Variants in NUP133 observed in about 807,000 individuals in gnomAD.
NUP133 encodes nucleoporin 133.
NUP133 carries 66 observed loss-of-function variants against 146.2 expected under a neutral mutation model. The observed-to-expected ratio is 0.45, with a 90% CI of 0.37 to 0.55. The LOEUF (loss-of-function observed/expected upper bound fraction) is 0.55. Ranked by LOEUF, NUP133 falls within the 20% of genes least tolerant of loss-of-function variation. The pLI, the probability that NUP133 is intolerant of heterozygous loss-of-function variation, is 0.00. For synonymous variants in NUP133, 521 were observed against 498.8 expected (o/e 1.04, Z -0.59); for missense variants, 1,277 against 1,374.8 (o/e 0.93, Z 1.12).
chr1:229,479,355 C>T (rs1229769623), intron 12 of NUP133, among the ~76,000 whole-genome samples: 1 of 152,190 alleles, frequency 6.6e-6, no homozygotes, highest in Non-Finnish European at 1.5e-5. Context: ...CAGTTCAAAG[C>T]CGTGTTGTTC....
intron 2 of NUP133, among the ~76,000 whole-genome samples, chr1:229,502,399 A>T (rs1371225970): frequency 1.3e-5 from 2 of 151,722 alleles, no homozygotes; most frequent in African/African-American, 4.8e-5. Flanking sequence ...CTCTACTAAA[A>T]CTACAAAAAA....
At chr1:229,457,190 A>G (rs573206385) in intron 21 of NUP133, among the ~76,000 whole-genome samples, 1 of 152,132 alleles carries the variant, frequency 6.6e-6, no homozygotes, top group Non-Finnish European at 1.5e-5. Flanking sequence ...GTGATGCTTC[A>G]ATACATGTAT....
chr1:229,474,294 G>A (rs1661024216), intron 14 of NUP133, among the ~76,000 whole-genome samples: 2 of 152,204 alleles, frequency 1.3e-5, no homozygotes, highest in Non-Finnish European at 2.9e-5. Context: ...TTAAGCCACT[G>A]TGTTTTGGGG....
Position 229,442,016 on chromosome 1 carries a change from G to T in NUP133, c.3359C>A (p.Pro1120Gln). Residue 1120 changes from proline (P) to glutamine (Q), a missense_variant, in exon 26 of 26, where the codon CCG becomes CAG. Coordinates refer to ENST00000261396, the MANE Select transcript of NUP133 (RefSeq NM_018230.3). ...KDGIQLSEYL[P>Q]EVKDLLQADQ... ...CGCTTGTAGCAGGTCTTTCACCTCC[G>T]GTAAGTACTCACTGAGCTGAATGCC... The T allele has an allele frequency of 6.4e-6, 10 of 1,574,756 alleles. No homozygotes were observed. The highest frequency in any genetic ancestry group is 8.6e-6 in the Non-Finnish European group (10 of 1,167,946).
intron 13 of NUP133, among the ~76,000 whole-genome samples, chr1:229,476,520 A>G (rs111559603): frequency 2.0e-5 from 3 of 152,302 alleles, no homozygotes; most frequent in African/African-American, 7.2e-5. Context: ...AGGCAGCTAG[A>G]CATGTCTTGT....
intron 20 of NUP133, among the ~76,000 whole-genome samples, chr1:229,460,351 ACAC>A (rs1660665452): frequency 6.6e-6 from 1 of 152,050 alleles, no homozygotes; most frequent in Admixed American, 6.6e-5. Context: ...GTGTGTCACC[ACAC>A]CTGGCTAATG....
At chr1:229,494,891 G>A (rs1198736503) in intron 8 of NUP133, among the ~76,000 whole-genome samples, 1 of 152,196 alleles carries the variant, frequency 6.6e-6, no homozygotes, top group Non-Finnish European at 1.5e-5. Context: ...CAATGACAGG[G>A]TCTCAGGCAT....
intron 23 of NUP133, among the ~76,000 whole-genome samples, chr1:229,450,309 G>A (rs1159608222): frequency 6.6e-6 from 1 of 152,206 alleles, no homozygotes; most frequent in African/African-American, 2.4e-5. Context: ...CACAAAAAAA[G>A]ATACCCAGGA....
intron 2 of NUP133, among the ~76,000 whole-genome samples, chr1:229,503,235 G>A (rs1040229729): frequency 2.0e-5 from 3 of 151,730 alleles, no homozygotes; most frequent in Non-Finnish European, 2.9e-5. Flanking sequence ...CTGAGATCGC[G>A]CCACTGCACT....
At chr1:229,469,318 C>T (rs1229276460) in intron 15 of NUP133, among the ~76,000 whole-genome samples, 3 of 152,208 alleles carry the variant, frequency 2.0e-5, no homozygotes, top group South Asian at 2.1e-4. Context: ...CACAAAAGCA[C>T]GAGGACTGCG....
chr1:229,508,190 C>T lies in NUP133; in HGVS notation c.60G>A (p.Leu20=), dbSNP rs762438302. 3.9e-5 allele frequency: 62 copies of T among 1,579,006 alleles called. No individual in the cohort carries two copies. Among genetic ancestry groups the T allele is most frequent in the Admixed American group, 5.5e-5 (3 of 54,556 alleles). ...TPGTGSRRGP[L]AGLGPGSTPR... is the part of the protein sequence containing the mutation. ...GCGTGGAGCCGGGCCCGAGTCCGGC[C>T]AGCGGGCCCCTTCGGGACCCGGTAC... The change falls in exon 1 of 26, where the codon CTG becomes CTA. Residue 20 remains leucine, a synonymous_variant. Coordinates refer to ENST00000261396, the MANE Select transcript of NUP133 (RefSeq NM_018230.3).
intron 2 of NUP133, among the ~76,000 whole-genome samples, chr1:229,505,565 A>AG (rs1491515637): frequency 3.6e-4 from 25 of 69,504 alleles, no homozygotes; most frequent in Non-Finnish European, 5.8e-4. Flanking sequence ...AATTACAGTT[A>AG]AAAAAAAAAA....
chr1:229,472,707 C>CATACATACATAT (rs58951309), intron 14 of NUP133, among the ~76,000 whole-genome samples: 3,166 of 124,292 alleles, frequency 0.025, 213 homozygotes, highest in Admixed American at 0.084. Context: ...ACTAAATATA[C>CATACATACATAT]ATATATATAT....
At position 229,441,592 on chromosome 1, in the gene NUP133, G is replaced by C. The variant is rs1210766353; in HGVS notation, c.*312C>G. On this transcript the variant is annotated 3_prime_UTR_variant, in exon 26 of 26. Transcript: ENST00000261396. The stretch of plus-strand genomic sequence containing the variant: ...TAGTCGCAGAAACTGAGGCCTAGAA[G>C]TGATTTGTACATGTGAGCAGCTAGA... 9.5e-6 allele frequency: 4 copies of C among 420,278 alleles called. No homozygotes were observed. The highest frequency in any genetic ancestry group is 1.4e-5 in the Non-Finnish European group (3 of 211,462). 26.0% of individuals were successfully genotyped at this position (420,278 alleles called of 1,614,324 possible).
At chr1:229,498,569 G>A (rs1314472857) in intron 5 of NUP133, among the ~76,000 whole-genome samples, 1 of 152,064 alleles carries the variant, frequency 6.6e-6, no homozygotes, top group East Asian at 1.9e-4. Flanking sequence ...GGGAGCCCAA[G>A]GCGGGGTGAA....
chr1:229,447,199 A>G (rs112468663), intron 24 of NUP133, among the ~76,000 whole-genome samples: 36 of 152,318 alleles, frequency 2.4e-4, no homozygotes, highest in Non-Finnish European at 4.6e-4. Context: ...AAAAGTAGTG[A>G]TTTATTATAT....
At position 229,507,877 on chromosome 1, in the gene NUP133, AATCAACTG is replaced by A. The variant is rs149121947; in HGVS notation, c.182+183_182+190del. The A allele has an allele frequency of 2.1e-3, 2,081 of 980,000 alleles. 31 individuals are homozygous for A. The African/African-American group carries it at 0.025, about 12-fold the overall frequency. The allele number at this position is 980,000 out of a possible 1,614,324, so 60.7% of individuals were successfully genotyped here. A position where few individuals can be genotyped will look rare whatever the true frequency, so the allele number is the denominator to read the frequency against. ...TATCCATGAAAAATGCAAAGTGGGG[AATCAACTG>A]ATCAACTGATAATCAAAACGAAGCA... On this transcript the variant is annotated intron_variant, in intron 1 of 25. Coordinates refer to ENST00000261396, the MANE Select transcript of NUP133 (RefSeq NM_018230.3).
At chr1:229,463,065 G>A (rs1026632113) in intron 19 of NUP133, among the ~76,000 whole-genome samples, 1 of 152,074 alleles carries the variant, frequency 6.6e-6, no homozygotes, top group African/African-American at 2.4e-5. Context: ...ATTTTCCAAA[G>A]GTCAAAGAAT....
At chr1:229,494,901 T>C (rs1269540069) in intron 8 of NUP133, among the ~76,000 whole-genome samples, 2 of 152,148 alleles carry the variant, frequency 1.3e-5, no homozygotes, top group Admixed American at 1.3e-4. Context: ...GTCTCAGGCA[T>C]CTCTTGGCAG....
Sources: allele counts gnomAD v4.1 joint callset (sites outside exome capture counted in the v4.1 genomes callset), GRCh38; gene constraint gnomAD v4.1.1; transcripts MANE v1.5; gene names NCBI Gene and HGNC (gene_info 2026-07-23, HGNC 2026-07-21).